ZNF816: variants seen among roughly 807,000 people sequenced by gnomAD.
The protein encoded by ZNF816 is zinc finger protein 816, also known as zinc finger protein 816A.
Under a neutral mutation model 8.3 loss-of-function variants are expected in ZNF816, and 11 were observed. That is an observed-to-expected ratio of 1.32 (90% CI 0.83 to 2.19). The LOEUF (loss-of-function observed/expected upper bound fraction) is 2.19, where lower values mean the gene tolerates loss of function less well. ZNF816 is among the 30% of genes most tolerant of loss of function. The pLI is 0.00. For synonymous variants in ZNF816, 255 were observed against 254.5 expected, an observed-to-expected ratio of 1.00 and a Z score of -0.02; for missense variants, 710 against 779.3, an observed-to-expected ratio of 0.91 and a Z score of 1.06.
At chr19:52,961,507 A>G (rs1337191476) in intron 1 of ZNF816, among the ~76,000 whole-genome samples, 1 of 152,254 alleles carries the variant, frequency 6.6e-6, no homozygotes, top group Non-Finnish European at 1.5e-5. Context: ...TTCAAAAAAA[A>G]GAAGCCAACC....
intron 1 of ZNF816, among the ~76,000 whole-genome samples, chr19:52,960,500 C>T (rs2083547358): frequency 6.6e-6 from 1 of 152,188 alleles, no homozygotes; most frequent in East Asian, 1.9e-4. Flanking sequence ...GTGGAAACTG[C>T]ATGCTGCCTT....
At chr19:52,952,435 A>T (rs1600719594) in intron 3 of ZNF816, 1 of 446,628 alleles carries the variant, frequency 2.2e-6, no homozygotes. Flanking sequence ...AATCAGTGTC[A>T]TGCTTTCTAT....
At chr19:52,960,354 C>T (rs1379318717) in intron 1 of ZNF816, among the ~76,000 whole-genome samples, 1 of 152,218 alleles carries the variant, frequency 6.6e-6, no homozygotes, top group Non-Finnish European at 1.5e-5. Flanking sequence ...GCTTATCCCA[C>T]ACGAACTGAG....
intron 1 of ZNF816, among the ~76,000 whole-genome samples, chr19:52,960,690 C>A (rs113494900): frequency 6.6e-6 from 1 of 152,164 alleles, no homozygotes; most frequent in African/African-American, 2.4e-5. Flanking sequence ...AGGACTGGAA[C>A]GTAGCCCCTG....
Position 52,950,897 on chromosome 19 carries a change from G to A in ZNF816, c.878C>T (p.Thr293Ile), listed in dbSNP as rs1335182841. ...KTYKCNECGK[T>I]FTQMSSLVCH... ...TACAAGGGATGACATCTGAGTGAAG[G>A]TCTTCCCACACTCATTACACTTGTA... The change falls in exon 4 of 4, where the codon ACC (threonine) becomes ATC (isoleucine). Residue 293 changes from threonine to isoleucine, a missense_variant. Thr to Ile is a moderately conservative substitution (Grantham distance 89, BLOSUM62 -1). Coordinates refer to ENST00000444460, the MANE Select transcript of ZNF816 (RefSeq NM_001202457.3). 6.2e-7 allele frequency: 1 copy of A among 1,614,102 alleles called. No homozygotes were observed. Among genetic ancestry groups the A allele is most frequent in the African/African-American group, 1.3e-5 (1 of 75,028 alleles).
intron 2 of ZNF816, among the ~76,000 whole-genome samples, chr19:52,954,544 G>C (rs1212758503): frequency 6.6e-6 from 1 of 152,030 alleles, no homozygotes; most frequent in Non-Finnish European, 1.5e-5. Context: ...ACATTCATCA[G>C]ACCGGGAGCA....
Position 52,953,551 on chromosome 19 carries a change from T to A in ZNF816, c.64-674A>T, listed in dbSNP as rs1332414262. 1.0e-3 allele frequency among the ~76,000 whole-genome samples: 45 copies of A among 44,664 alleles called. 1 individual carries two copies. The highest frequency in any genetic ancestry group is 9.1e-3 in the African/African-American group (18 of 1,968). 29.3% of individuals were successfully genotyped at this position (44,664 alleles called of 152,430 possible). On this transcript the variant is annotated intron_variant, in intron 2 of 3. Coordinates refer to ENST00000444460, the MANE Select transcript of ZNF816 (RefSeq NM_001202457.3). The stretch of plus-strand genomic sequence containing the variant: ...TAATATATAATATATAATACAATAT[T>A]ATATATAATATGTATTTATAAAATA...
At chr19:52,952,459 C>T in intron 3 of ZNF816, 1 of 489,364 alleles carries the variant, frequency 2.0e-6, no homozygotes, top group Non-Finnish European at 3.6e-6. Flanking sequence ...GTATCCTGGG[C>T]CATGCTGACC....
rs774089384 is a variant in ZNF816, at chr19:52,952,752, C to T, written c.189G>A (p.Val63=). The part of the protein sequence containing the change: ...MLENYRNLEF[V]DSSLKSMMEF... Reference sequence around the variant, plus strand: ...TGTCTGGAGGGACATTTTCCTCACCCACAAACTCCAGGTTCCTGTAGTTCT... The same window carrying T: ...TGTCTGGAGGGACATTTTCCTCACCTACAAACTCCAGGTTCCTGTAGTTCT... Residue 63 remains valine (V), a splice_region_variant and synonymous_variant, in exon 3 of 4, where the codon GTG becomes GTA. Coordinates refer to ENST00000444460, the MANE Select transcript of ZNF816 (RefSeq NM_001202457.3). 4 of 1,613,858 alleles carry T rather than the reference C, an allele frequency of 2.5e-6. No individual in the cohort carries two copies. In the South Asian group the frequency reaches 4.4e-5, roughly 18 times the overall value.
In ZNF816 at chr19:52,955,902, A is replaced by G. The variant is rs182706082; in HGVS notation, c.63+125T>C. ...TGAAGATGAGAGGGACTGAGAAAAG[A>G]CACGGGTGAGTGCGAGCAAACGTGT... On this transcript the variant is annotated intron_variant, in intron 2 of 3. Transcript: ENST00000444460. The G allele has an allele frequency of 1.2e-3, 1,529 of 1,263,232 alleles. 2 individuals are homozygous for G. The highest frequency in any genetic ancestry group is 0.01 in the Middle Eastern group (42 of 4,134). 78.3% of individuals were successfully genotyped at this position (1,263,232 alleles called of 1,614,324 possible).
At chr19:52,951,612 C>T in intron 3 of ZNF816, 28 bp from the exon 4 acceptor site, 1 of 1,501,848 alleles carries the variant, frequency 6.7e-7, no homozygotes, top group East Asian at 2.3e-5. Context: ...CAATAGGTTT[C>T]CAATTAAGTA....
chr19:52,954,059 GTA>G (rs918115509), intron 2 of ZNF816, among the ~76,000 whole-genome samples: 1 of 112,098 alleles, frequency 8.9e-6, no homozygotes, highest in Admixed American at 8.3e-5. Flanking sequence ...AAAAAAAAAG[GTA>G]TATATATATT....
rs576390327 is a variant in ZNF816 at position 52,957,422 on chromosome 19, A to T, written c.-15-1318T>A. On this transcript the variant is annotated intron_variant, in intron 1 of 3. Transcript: ENST00000444460. The surrounding 1 kb of genome is among the most constrained non-coding windows in gnomAD (Gnocchi z 4.6). ...TGTAACCAGTGTGCTTACTGTAAAGAAATAGGATATTAGAAGGACAAGTGC... is the reference window on the plus strand; with the variant it reads ...TGTAACCAGTGTGCTTACTGTAAAGTAATAGGATATTAGAAGGACAAGTGC... 9.9e-5 allele frequency among the ~76,000 whole-genome samples: 15 copies of T among 152,280 alleles called. No homozygotes were observed. Among genetic ancestry groups the T allele is most frequent in the Non-Finnish European group, 1.8e-4 (12 of 68,026 alleles).
At position 52,958,886 on chromosome 19, in the gene ZNF816, C is replaced by A. The variant is rs575476139; in HGVS notation, c.-15-2782G>T. 5.3e-5 allele frequency among the ~76,000 whole-genome samples: 8 copies of A among 152,320 alleles called. No homozygotes were observed. In the East Asian group the frequency reaches 1.2e-3, roughly 22 times the overall value. On this transcript the variant is annotated intron_variant, in intron 1 of 3. Coordinates refer to ENST00000444460, the MANE Select transcript of ZNF816 (RefSeq NM_001202457.3). ...AGTCACAAAGGGGCAGGACCAGGAA[C>A]CTTTTGAACGGAGATCCCAACAACA... is the stretch of plus-strand genomic sequence containing the variant.
chr19:52,960,476 G>A (rs927447764), intron 1 of ZNF816, among the ~76,000 whole-genome samples: 16 of 152,214 alleles, frequency 1.1e-4, no homozygotes, highest in African/African-American at 3.9e-4. Flanking sequence ...GACAGCAAAG[G>A]TATTAAAGAT....
chr19:52,955,197 CAAA>C (rs905755038), intron 2 of ZNF816, among the ~76,000 whole-genome samples: 1 of 151,014 alleles, frequency 6.6e-6, no homozygotes, highest in African/African-American at 2.4e-5. Context: ...CAAAACAAAA[CAAA>C]AAACAAAAAA....
intron 1 of ZNF816, 90 bp downstream of exon 1, chr19:52,962,637 G>A (rs2083567582): frequency 6.6e-6 from 1 of 152,290 alleles, no homozygotes; most frequent in Non-Finnish European, 1.5e-5. Flanking sequence ...GACAGGAGGT[G>A]TCTGCACGGC....
chr19:52,950,788 T>C lies in ZNF816; in HGVS notation c.987A>G (p.Arg329=). The C allele has an allele frequency of 6.2e-7, 1 of 1,613,650 alleles. No homozygotes were observed. Among genetic ancestry groups the C allele is most frequent in the Non-Finnish European group, 8.5e-7 (1 of 1,180,030 alleles). ...GKTFSEKSSL[R]CHRRLHTGEK... is the part of the protein sequence containing the mutation. ...CTCCAGTATGAAGTCTACGATGGCA[T>C]CTAAGGGATGACTTCTCACTGAAGG... Residue 329 remains arginine (R), a synonymous_variant, in exon 4 of 4, where the codon AGA becomes AGG. Coordinates refer to ENST00000444460, the MANE Select transcript of ZNF816 (RefSeq NM_001202457.3).
intron 1 of ZNF816, among the ~76,000 whole-genome samples, chr19:52,961,280 AG>A (rs1331893762): frequency 6.6e-6 from 1 of 152,226 alleles, no homozygotes; most frequent in Non-Finnish European, 1.5e-5. Flanking sequence ...CTAGAACAGA[AG>A]AAAAAAGAAT....
Sources: allele counts gnomAD v4.1 joint callset (sites outside exome capture counted in the v4.1 genomes callset), GRCh38; gene constraint gnomAD v4.1.1; non-coding constraint Gnocchi (gnomAD v3.1); transcripts MANE v1.5; gene names NCBI Gene and HGNC (gene_info 2026-07-23, HGNC 2026-07-21).